The following DCLK3 variants were observed in gnomAD, a reference collection of about 807,000 sequenced individuals.
DCLK3 encodes the protein serine/threonine-protein kinase DCLK3.
DCLK3 carries 30 observed loss-of-function variants against 46.4 expected under a neutral mutation model. The observed-to-expected ratio is 0.65, with a 90% confidence interval of 0.48 to 0.88. The LOEUF (loss-of-function observed/expected upper bound fraction) is 0.88. Among genes scored for constraint, DCLK3 ranks in the 40% least tolerant of loss-of-function variants. DCLK3 has a pLI of 0.00. For missense variants in DCLK3, 846 were observed against 907.1 expected (o/e 0.93, Z 0.87); for synonymous variants, 401 against 339.2 (o/e 1.18, Z -2.00).
chr3:36,752,165 C>T (rs1575146773), intron 1 of DCLK3, among the ~76,000 whole-genome samples: 1 of 152,228 alleles, frequency 6.6e-6, no homozygotes, highest in Non-Finnish European at 1.5e-5. Flanking sequence ...CCAACTCTGC[C>T]TTCACAAGGA....
intron 1 of DCLK3, among the ~76,000 whole-genome samples, chr3:36,747,462 T>A (rs924833251): frequency 6.6e-6 from 1 of 151,708 alleles, no homozygotes; most frequent in Non-Finnish European, 1.5e-5. Context: ...TTCTCATATA[T>A]ATATATTTCT....
chr3:36,750,136 A>C (rs190255177), intron 1 of DCLK3, among the ~76,000 whole-genome samples: 1 of 152,284 alleles, frequency 6.6e-6, no homozygotes, highest in Admixed American at 6.5e-5. Context: ...GCTGAAGTGC[A>C]GTGGCGCAAT....
chr3:36,763,219 A>G (rs1701554257), intron 1 of DCLK3, among the ~76,000 whole-genome samples: 1 of 152,212 alleles, frequency 6.6e-6, no homozygotes, highest in South Asian at 2.1e-4. Flanking sequence ...TGGACAATAC[A>G]TCAAGGAAAG....
At position 36,737,264 on chromosome 3, in the gene DCLK3, C is replaced by T. The variant is rs1000608140; in HGVS notation, c.1903G>A (p.Val635Ile). Residue 635 changes from valine (V) to isoleucine (I), a missense_variant, in exon 2 of 5, where the codon GTC becomes ATC. Transcript: ENST00000636136. The surrounding 1 kb of genome is among the most constrained non-coding windows in gnomAD (Gnocchi z 4.4). Reference protein sequence around the residue: ...LMIMDLCKALVHMHDKSIVHR... With the variant: ...LMIMDLCKALIHMHDKSIVHR... Reference sequence around the variant, plus strand: ...ACAATGCTCTTGTCGTGCATGTGGACGAGGGCTTTGCATAAGTCCATGATC... The same window carrying T: ...ACAATGCTCTTGTCGTGCATGTGGATGAGGGCTTTGCATAAGTCCATGATC... 11 of 1,613,956 alleles carry T rather than the reference C, an allele frequency of 6.8e-6. No homozygotes were observed. The highest frequency in any genetic ancestry group is 9.3e-6 in the Non-Finnish European group (11 of 1,180,012).
chr3:36,745,022 C>CATA (rs1484803168), intron 1 of DCLK3, among the ~76,000 whole-genome samples: 10 of 152,170 alleles, frequency 6.6e-5, no homozygotes, highest in Admixed American at 6.5e-4. Context: ...GATAAAGTAA[C>CATA]ATAACCTGAT....
At chr3:36,726,296 G>A (rs561104799) in intron 2 of DCLK3, among the ~76,000 whole-genome samples, 42 of 152,036 alleles carry the variant, frequency 2.8e-4, no homozygotes, top group Admixed American at 1.1e-3. Flanking sequence ...GGTAGAAGCT[G>A]ATTGCTCAGA....
intron 2 of DCLK3, among the ~76,000 whole-genome samples, chr3:36,722,804 T>C (rs1701078420): frequency 6.6e-6 from 1 of 152,216 alleles, no homozygotes; most frequent in Admixed American, 6.5e-5. Context: ...TGTGGAACCA[T>C]AGTCCATTAA....
chr3:36,726,949 A>C (rs1701131288), intron 2 of DCLK3, among the ~76,000 whole-genome samples: 1 of 152,226 alleles, frequency 6.6e-6, no homozygotes, highest in Non-Finnish European at 1.5e-5. Context: ...ACTGCTGGAA[A>C]AATATGTCTC....
intron 3 of DCLK3, among the ~76,000 whole-genome samples, chr3:36,718,768 G>A: frequency 6.6e-6 from 1 of 152,166 alleles, no homozygotes. Context: ...CTTTTTAAAT[G>A]ATTTTTAAAA....
Position 36,745,038 on chromosome 3 carries a change from G to A in DCLK3, c.83-5954C>T, listed in dbSNP as rs17035526. Reference sequence around the variant, plus strand: ...ATAAAGTAACATAACCTGATTCCACGATGATCAGCTCTCCACCTTATTAGG... The same window carrying A: ...ATAAAGTAACATAACCTGATTCCACAATGATCAGCTCTCCACCTTATTAGG... On this transcript the variant is annotated intron_variant, in intron 1 of 4. Transcript: ENST00000636136. Among the ~76,000 whole-genome samples the A allele has an allele frequency of 8.7e-3, 1,319 of 152,288 alleles. 22 individuals carry two copies. Among genetic ancestry groups the A allele is most frequent in the African/African-American group, 0.03 (1,261 of 41,556 alleles).
In DCLK3 at chr3:36,715,395, T is replaced by G. The variant is rs1175069433; in HGVS notation, c.2387A>C (p.Gln796Pro). Residue 796 changes from glutamine (Q) to proline (P), a missense_variant, in exon 5 of 5, where the codon CAG becomes CCG. By Grantham distance (76) the Gln-to-Pro change is moderately conservative (BLOSUM62 -1). Transcript: ENST00000636136. The stretch of plus-strand genomic sequence containing the variant: ...GTGACCCTCGCTGCTGGGGGACACC[T>G]GCTTCTGTCGTTTCACTGTATTGGT... Reference protein sequence around the residue: ...GKTNTVKRQKQVSPSSEGHFR... With the variant: ...GKTNTVKRQKPVSPSSEGHFR... 1.2e-6 allele frequency: 2 copies of G among 1,614,076 alleles called. No individual in the cohort carries two copies. Among genetic ancestry groups the G allele is most frequent in the Non-Finnish European group, 8.5e-7 (1 of 1,180,014 alleles).
rs1411524606 is a variant in DCLK3 at position 36,712,763 on chromosome 3, G to A, written c.*2565C>T. The A allele has an allele frequency of 3.9e-5, 6 of 151,990 alleles. No homozygotes were observed. In the East Asian group the frequency reaches 9.6e-4, roughly 24 times the overall value. The allele number at this position is 151,990 out of a possible 1,614,324, so 9.4% of individuals were successfully genotyped here. On this transcript the variant is annotated 3_prime_UTR_variant, in exon 5 of 5. Coordinates refer to ENST00000636136, the MANE Select transcript of DCLK3 (RefSeq NM_001394672.2). ...CTTTGGCAGTCCATCCATGTTGTTC[G>A]TGTATGAATAGTTCATCCCTTTTTT...
chr3:36,723,244 T>C (rs1227140752), intron 2 of DCLK3, among the ~76,000 whole-genome samples: 10 of 152,140 alleles, frequency 6.6e-5, no homozygotes, highest in Admixed American at 6.5e-5. Flanking sequence ...GTGGAAGAAA[T>C]TTCTAAGCAG....
At chr3:36,724,899 G>A (rs955158730) in intron 2 of DCLK3, among the ~76,000 whole-genome samples, 3 of 151,946 alleles carry the variant, frequency 2.0e-5, no homozygotes, top group Admixed American at 6.5e-5. Flanking sequence ...TGGAGGGGTG[G>A]GGGATTAAGA....
At chr3:36,730,193 TACAC>T (rs55833576) in intron 2 of DCLK3, among the ~76,000 whole-genome samples, 6,361 of 143,074 alleles carry the variant, frequency 0.044, 226 homozygotes, top group African/African-American at 0.11. Flanking sequence ...ACACCATATA[TACAC>T]ACACACACAC....
At chr3:36,748,174 A>G (rs1424085221) in intron 1 of DCLK3, among the ~76,000 whole-genome samples, 1 of 151,888 alleles carries the variant, frequency 6.6e-6, no homozygotes, top group Non-Finnish European at 1.5e-5. Flanking sequence ...CCAAATAGGC[A>G]GACAAGGGTG....
chr3:36,723,698 A>C (rs540395920), intron 2 of DCLK3, among the ~76,000 whole-genome samples: 1 of 152,330 alleles, frequency 6.6e-6, no homozygotes, highest in South Asian at 2.1e-4. Flanking sequence ...TGAGCCTGCC[A>C]TTGCACAGAA....
At chr3:36,747,139 T>C (rs1701400357) in intron 1 of DCLK3, among the ~76,000 whole-genome samples, 1 of 152,194 alleles carries the variant, frequency 6.6e-6, no homozygotes, top group East Asian at 1.9e-4. Context: ...CTGTACAGTA[T>C]ATAGAAGTGG....
intron 2 of DCLK3, among the ~76,000 whole-genome samples, chr3:36,727,835 A>C (rs1701143718): frequency 6.6e-6 from 1 of 152,234 alleles, no homozygotes; most frequent in African/African-American, 2.4e-5. Flanking sequence ...TTAAGGTCGC[A>C]CACTGTCTGC....
Sources: allele counts gnomAD v4.1 joint callset (sites outside exome capture counted in the v4.1 genomes callset), GRCh38; gene constraint gnomAD v4.1.1; non-coding constraint Gnocchi (gnomAD v3.1); transcripts MANE v1.5; gene names NCBI Gene and HGNC (gene_info 2026-07-23, HGNC 2026-07-21).